The following CSMD1 variants were observed in gnomAD, a reference collection of about 807,000 sequenced individuals.
CSMD1 encodes CUB and Sushi multiple domains 1.
CSMD1 carries 213 observed loss-of-function variants against 417.5 expected under a neutral mutation model. The ratio of observed to expected loss-of-function variants is 0.51; its 90% CI spans 0.46 to 0.57. CSMD1 has a LOEUF of 0.57. Ranked by LOEUF, CSMD1 falls within the 20% of genes least tolerant of loss-of-function variation. The probability of loss-of-function intolerance (pLI) is 0.00; values close to 1 mark genes in which losing one functional copy is unlikely to be tolerated. For synonymous variants in CSMD1, 2,862 were observed against 1,736.8 expected (o/e 1.65, Z -16.11); for missense variants, 6,923 against 4,529.7 (o/e 1.53, Z -15.17).
At chr8:4,014,819 C>G (rs768328986) in intron 4 of CSMD1, among the ~76,000 whole-genome samples, 1 of 152,140 alleles carries the variant, frequency 6.6e-6, no homozygotes, top group African/African-American at 2.4e-5. Flanking sequence ...AGCTCTATAA[C>G]CTAACATGGT....
At chr8:3,705,189 TG>T (rs1288638217) in intron 7 of CSMD1, among the ~76,000 whole-genome samples, 1 of 152,202 alleles carries the variant, frequency 6.6e-6, no homozygotes, top group Non-Finnish European at 1.5e-5. Flanking sequence ...CACTGAGCTG[TG>T]GCTGCTTTCT....
At chr8:4,315,081 C>G (rs945237558) in intron 3 of CSMD1, among the ~76,000 whole-genome samples, 2 of 152,142 alleles carry the variant, frequency 1.3e-5, no homozygotes, top group Non-Finnish European at 2.9e-5. Flanking sequence ...GAATGGGCAT[C>G]TCGAGGGAGG....
At chr8:3,243,981 G>T (rs1045122760) in intron 26 of CSMD1, among the ~76,000 whole-genome samples, 31 of 152,118 alleles carry the variant, frequency 2.0e-4, no homozygotes, top group African/African-American at 7.2e-4. Context: ...CGTTTGCTTA[G>T]CATACGCATC....
chr8:4,247,855 C>T (rs747852654), intron 3 of CSMD1, among the ~76,000 whole-genome samples: 59 of 152,062 alleles, frequency 3.9e-4, no homozygotes, highest in African/African-American at 1.2e-3. Context: ...TCTATCACAT[C>T]GTTATAGAAA....
chr8:3,632,080 T>G (rs1314259961), intron 7 of CSMD1, among the ~76,000 whole-genome samples: 1 of 152,242 alleles, frequency 6.6e-6, no homozygotes, highest in Non-Finnish European at 1.5e-5. Flanking sequence ...CTTCAGATTT[T>G]GTTATTGTTG....
chr8:3,762,907 C>T (rs1374995441), intron 5 of CSMD1, among the ~76,000 whole-genome samples: 2 of 152,198 alleles, frequency 1.3e-5, no homozygotes, highest in African/African-American at 2.4e-5. Context: ...TGAATAAAAT[C>T]AACTTTCACC....
At chr8:3,481,908 C>T (rs1444596172) in intron 11 of CSMD1, among the ~76,000 whole-genome samples, 1 of 152,154 alleles carries the variant, frequency 6.6e-6, no homozygotes, top group Non-Finnish European at 1.5e-5. Flanking sequence ...CAAATTTCTG[C>T]TGTTTTGAGC....
intron 50 of CSMD1, among the ~76,000 whole-genome samples, chr8:3,039,399 C>CTTT (rs1210541517): frequency 7.1e-6 from 1 of 141,674 alleles, no homozygotes; most frequent in African/African-American, 2.9e-5. Context: ...TTCCCCCTTC[C>CTTT]CTTCCTTCCT....
chr8:4,002,745 G>A (rs557195691), intron 4 of CSMD1, among the ~76,000 whole-genome samples: 2 of 152,276 alleles, frequency 1.3e-5, no homozygotes, highest in Admixed American at 1.3e-4. Flanking sequence ...AATGATGAGT[G>A]AAGAGACATT....
chr8:3,624,792 C>G (rs1796414923), intron 7 of CSMD1, among the ~76,000 whole-genome samples: 1 of 152,180 alleles, frequency 6.6e-6, no homozygotes, highest in Non-Finnish European at 1.5e-5. Flanking sequence ...ACAATGACAG[C>G]TTTTTACTTC....
chr8:3,367,267 G>A lies in CSMD1; in HGVS notation c.2900-20C>T. ...GAACTCCTGAGAAATGAAGCCGGGG[G>A]AGAGAGAGAGAGACAGAGAGAGACA... On this transcript the variant is annotated intron_variant, in intron 19 of 69. Transcript: ENST00000635120. The A allele has an allele frequency of 1.6e-6, 2 of 1,221,294 alleles. No homozygotes were observed. The highest frequency in any genetic ancestry group is 1.5e-5 in the South Asian group (1 of 67,432). 75.7% of individuals were successfully genotyped at this position (1,221,294 alleles called of 1,614,324 possible). A position where few individuals can be genotyped will look rare whatever the true frequency, so the allele number is the denominator to read the frequency against.
At chr8:4,534,331 C>G (rs371562283) in intron 2 of CSMD1, among the ~76,000 whole-genome samples, 6 of 152,214 alleles carry the variant, frequency 3.9e-5, no homozygotes, top group Admixed American at 6.5e-5. Context: ...TACTCTCTGG[C>G]TTACTTTGAA....
At chr8:4,332,618 C>G (rs1196071920) in intron 3 of CSMD1, among the ~76,000 whole-genome samples, 1 of 148,020 alleles carries the variant, frequency 6.8e-6, no homozygotes, top group Non-Finnish European at 1.5e-5. Flanking sequence ...GAGTCATATG[C>G]AGAGACATTC....
chr8:3,044,002 A>T (rs1358410913), intron 50 of CSMD1, among the ~76,000 whole-genome samples: 1 of 152,190 alleles, frequency 6.6e-6, no homozygotes, highest in East Asian at 1.9e-4. Flanking sequence ...TGTCTACTTC[A>T]GGGGAAAAAA....
chr8:4,158,295 G>A (rs972301310), intron 3 of CSMD1, among the ~76,000 whole-genome samples: 3 of 151,976 alleles, frequency 2.0e-5, no homozygotes, highest in African/African-American at 4.8e-5. Context: ...AGAAGTACAT[G>A]TCAAGCCCTT....
At chr8:4,345,213 A>G (rs1319495609) in intron 3 of CSMD1, among the ~76,000 whole-genome samples, 6 of 152,154 alleles carry the variant, frequency 3.9e-5, no homozygotes, top group African/African-American at 1.4e-4. Context: ...ACGCTAACAT[A>G]TATTAGCAGC....
intron 52 of CSMD1, among the ~76,000 whole-genome samples, chr8:3,005,316 T>C (rs1357963814): frequency 3.9e-5 from 6 of 152,152 alleles, no homozygotes; most frequent in African/African-American, 1.4e-4. Flanking sequence ...TCTACTCTAT[T>C]CTGTGTCTGA....
intron 2 of CSMD1, among the ~76,000 whole-genome samples, chr8:4,461,694 G>T (rs999819764): frequency 2.6e-5 from 4 of 151,038 alleles, no homozygotes; most frequent in African/African-American, 9.7e-5. Flanking sequence ...GGGGCCATGG[G>T]CAAACACCAC....
chr8:4,605,247 T>A (rs1800804708), intron 2 of CSMD1, among the ~76,000 whole-genome samples: 1 of 151,984 alleles, frequency 6.6e-6, no homozygotes, highest in Admixed American at 6.6e-5. Context: ...ATACTAACGT[T>A]AGACCGATGA....
Sources: gnomAD v4.1 joint callset for allele counts (sites outside exome capture counted in the v4.1 genomes callset) on GRCh38, gnomAD v4.1.1 for gene constraint, MANE v1.5 for transcripts, NCBI Gene and HGNC (gene_info 2026-07-23, HGNC 2026-07-21) for gene names.